The following KCNT2 variants were observed in gnomAD, a reference collection of about 807,000 sequenced individuals.
The protein encoded by KCNT2 is potassium sodium-activated channel subfamily T member 2.
Under a neutral mutation model 153.8 loss-of-function variants are expected in KCNT2, and 67 were observed. The ratio of observed to expected loss-of-function variants is 0.44; its 90% confidence interval spans 0.36 to 0.53. KCNT2 has a LOEUF of 0.53. Among genes scored for constraint, KCNT2 ranks in the 20% least tolerant of loss-of-function variants. The pLI, the probability that KCNT2 is intolerant of heterozygous loss-of-function variation, is 0.00. For missense variants in KCNT2, 975 were observed against 1,354.8 expected (o/e 0.72, Z 4.40); for synonymous variants, 500 against 458.8 (o/e 1.09, Z -1.15).
rs113968620 is a variant in KCNT2 at position 196,258,982 on chromosome 1, C to G, written c.2911-488G>C. Among the ~76,000 whole-genome samples the G allele has an allele frequency of 5.2e-3, 796 of 152,200 alleles. 8 individuals carry two copies. The highest frequency in any genetic ancestry group is 0.018 in the African/African-American group (749 of 41,554). On this transcript the variant is annotated intron_variant, in intron 25 of 27. Coordinates refer to ENST00000294725, the MANE Select transcript of KCNT2 (RefSeq NM_198503.5). ...ATTATTGCTTTTTCTAAAGACAGCA[C>G]TGGCATGAACGTTATAATATGTGAA...
At chr1:196,331,023 T>C (rs1664406173) in intron 18 of KCNT2, 133 bp downstream of exon 18, 2 of 599,698 alleles carry the variant, frequency 3.3e-6, no homozygotes, top group Admixed American at 2.8e-5. Flanking sequence ...TATATAAATT[T>C]ACATTGGAAA....
chr1:196,441,425 CTTT>C (rs10591749), intron 8 of KCNT2, among the ~76,000 whole-genome samples: 146,543 of 149,344 alleles, frequency 0.98, 71,946 homozygotes, highest in South Asian at 1. Context: ...TTAAAATCTA[CTTT>C]TTTTTTTTTC....
intron 1 of KCNT2, among the ~76,000 whole-genome samples, chr1:196,515,300 C>T (rs1031679775): frequency 1.3e-5 from 2 of 152,148 alleles, no homozygotes; most frequent in Admixed American, 6.5e-5. Context: ...ATCAATAAGT[C>T]TTTCAACTCC....
chr1:196,548,904 A>G (rs1657501373), intron 1 of KCNT2, among the ~76,000 whole-genome samples: 1 of 151,952 alleles, frequency 6.6e-6, no homozygotes, highest in Non-Finnish European at 1.5e-5. Flanking sequence ...CTATCGCAAG[A>G]ACAAAAAACC....
At chr1:196,262,802 T>C (rs1257713412) in intron 25 of KCNT2, among the ~76,000 whole-genome samples, 1 of 152,096 alleles carries the variant, frequency 6.6e-6, no homozygotes, top group Non-Finnish European at 1.5e-5. Context: ...AACAATCTTA[T>C]AGTCTAAAAA....
chr1:196,434,762 CATT>C (rs1194895773), intron 8 of KCNT2, among the ~76,000 whole-genome samples: 5 of 151,864 alleles, frequency 3.3e-5, no homozygotes, highest in South Asian at 2.1e-4. Flanking sequence ...ACAAAAGTGA[CATT>C]ATGTGGTTGC....
intron 8 of KCNT2, among the ~76,000 whole-genome samples, chr1:196,438,015 A>C (rs1674879728): frequency 6.6e-6 from 1 of 151,570 alleles, no homozygotes; most frequent in Non-Finnish European, 1.5e-5. Flanking sequence ...TAACCTAGGT[A>C]AGTTACTCAA....
chr1:196,584,132 G>A (rs1035811481), intron 1 of KCNT2, among the ~76,000 whole-genome samples: 3 of 128,368 alleles, frequency 2.3e-5, no homozygotes, highest in African/African-American at 8.9e-5. Flanking sequence ...CCTGGGCAAA[G>A]AATGCGAAAA....
At chr1:196,379,123 C>T (rs1384841812) in intron 13 of KCNT2, among the ~76,000 whole-genome samples, 1 of 152,122 alleles carries the variant, frequency 6.6e-6, no homozygotes, top group Non-Finnish European at 1.5e-5. Context: ...TTTCCCTAAA[C>T]TCTTTTCTTC....
chr1:196,503,395 A>G (rs541118705), intron 1 of KCNT2, among the ~76,000 whole-genome samples: 47 of 152,186 alleles, frequency 3.1e-4, no homozygotes, highest in Non-Finnish European at 5.7e-4. Flanking sequence ...TAATATGACT[A>G]CAGGCACCTG....
chr1:196,346,945 T>C (rs948884906), intron 14 of KCNT2, among the ~76,000 whole-genome samples: 10 of 152,162 alleles, frequency 6.6e-5, no homozygotes, highest in African/African-American at 2.4e-4. Flanking sequence ...TGAAAAATTT[T>C]ATTTTCCTGG....
intron 1 of KCNT2, among the ~76,000 whole-genome samples, chr1:196,588,131 A>G (rs1662910125): frequency 6.6e-6 from 1 of 152,014 alleles, no homozygotes. Flanking sequence ...TGGCTTTTGA[A>G]TATCTTAAAT....
intron 9 of KCNT2, among the ~76,000 whole-genome samples, chr1:196,428,640 C>T (rs1311457509): frequency 6.6e-6 from 1 of 152,024 alleles, no homozygotes; most frequent in African/African-American, 2.4e-5. Context: ...AGGAGTTACT[C>T]TTACCATAAC....
chr1:196,257,342 C>T (rs1484952329), intron 26 of KCNT2: 52 of 980,550 alleles, frequency 5.3e-5, no homozygotes, highest in Non-Finnish European at 6.1e-5. Flanking sequence ...TTCCTAAGAA[C>T]ATTGCCTCAT....
At chr1:196,281,995 C>T (rs1005848527) in intron 24 of KCNT2, among the ~76,000 whole-genome samples, 2 of 151,918 alleles carry the variant, frequency 1.3e-5, no homozygotes, top group African/African-American at 2.4e-5. Context: ...ATGATCCACC[C>T]GCCTCAGCCT....
At chr1:196,402,071 C>T (rs767177117) in intron 12 of KCNT2, among the ~76,000 whole-genome samples, 35 of 151,166 alleles carry the variant, frequency 2.3e-4, no homozygotes, top group Non-Finnish European at 4.6e-4. Context: ...GCAAAAACTC[C>T]CTCAAAGAGG....
chr1:196,470,517 GT>G (rs1677999337), intron 5 of KCNT2, among the ~76,000 whole-genome samples: 1 of 152,166 alleles, frequency 6.6e-6, no homozygotes, highest in South Asian at 2.1e-4. Flanking sequence ...CAAGGTCTGT[GT>G]CAGAGCCCTA....
chr1:196,363,526 T>C (rs763468609), intron 14 of KCNT2, among the ~76,000 whole-genome samples: 6 of 152,118 alleles, frequency 3.9e-5, no homozygotes, highest in Non-Finnish European at 5.9e-5. Context: ...TGCAACAGTG[T>C]TGGGAGGTGG....
chr1:196,592,612 TATC>T (rs1163825483), intron 1 of KCNT2, among the ~76,000 whole-genome samples: 3 of 147,382 alleles, frequency 2.0e-5, no homozygotes, highest in Non-Finnish European at 4.5e-5. Flanking sequence ...ATATATGTGC[TATC>T]AAATGCTTCC....
Sources: allele counts gnomAD v4.1 joint callset (sites outside exome capture counted in the v4.1 genomes callset), GRCh38; gene constraint gnomAD v4.1.1; transcripts MANE v1.5; gene names NCBI Gene and HGNC (gene_info 2026-07-23, HGNC 2026-07-21).